Variants in CCDC50 observed in about 807,000 individuals in gnomAD.
CCDC50 encodes coiled-coil domain-containing protein 50.
CCDC50 carries 54 observed loss-of-function variants against 70.2 expected under a neutral mutation model. The observed-to-expected ratio is 0.77, with a 90% CI of 0.62 to 0.96. CCDC50 has a LOEUF of 0.96. Ranked by LOEUF, CCDC50 falls within the 50% of genes least tolerant of loss-of-function variation. The pLI, the probability that CCDC50 is intolerant of heterozygous loss-of-function variation, is 0.00. For synonymous variants in CCDC50, 216 were observed against 198.8 expected (o/e 1.09, Z -0.73); for missense variants, 558 against 578.7 (o/e 0.96, Z 0.37).
chr3:191,378,304 A>T (rs1408018382), intron 6 of CCDC50, among the ~76,000 whole-genome samples: 1 of 152,162 alleles, frequency 6.6e-6, no homozygotes, highest in Non-Finnish European at 1.5e-5. Flanking sequence ...AAACAATTAG[A>T]CTATTCAATG....
rs901202233 is a variant in CCDC50 at position 191,349,732 on chromosome 3, G to A, written c.50-7356G>A. On this transcript the variant is annotated intron_variant, in intron 1 of 11. Coordinates refer to ENST00000392455, the MANE Select transcript of CCDC50 (RefSeq NM_178335.3). ...GAAACCCTTAAATTTATACAATTAA[G>A]AAACTTTTTATTCCTGTTTTTTCAG... Among the ~76,000 whole-genome samples, 6 of 141,362 alleles carry A rather than the reference G, an allele frequency of 4.2e-5. 1 individual carries two copies. The highest frequency in any genetic ancestry group is 8.0e-5 in the Non-Finnish European group (5 of 62,704). 92.7% of individuals were successfully genotyped at this position (141,362 alleles called of 152,430 possible). A position where few individuals can be genotyped will look rare whatever the true frequency, so the allele number is the denominator to read the frequency against.
chr3:191,337,517 G>T (rs1211906338), intron 1 of CCDC50, among the ~76,000 whole-genome samples: 1 of 151,776 alleles, frequency 6.6e-6, no homozygotes, highest in Admixed American at 6.6e-5. Flanking sequence ...GCTAATTTTT[G>T]TATTTTTAGT....
chr3:191,368,760 T>C (rs754708704), intron 4 of CCDC50, among the ~76,000 whole-genome samples: 16 of 152,122 alleles, frequency 1.1e-4, no homozygotes, highest in Admixed American at 2.6e-4. Flanking sequence ...ATGATTGTTA[T>C]TACCATTTGT....
chr3:191,358,719 T>G (rs1431331616), intron 3 of CCDC50, among the ~76,000 whole-genome samples: 1 of 152,212 alleles, frequency 6.6e-6, no homozygotes, highest in Non-Finnish European at 1.5e-5. Flanking sequence ...CACAGTGACT[T>G]TTATTCTGTT....
chr3:191,336,279 A>G (rs1711521969), intron 1 of CCDC50, among the ~76,000 whole-genome samples: 1 of 152,088 alleles, frequency 6.6e-6, no homozygotes, highest in Admixed American at 6.5e-5. Context: ...TCCCACCAGC[A>G]ATGTATGTGA....
At position 191,358,254 on chromosome 3, in the gene CCDC50, C is replaced by T. The variant is rs181803448; in HGVS notation, c.239+130C>T. On this transcript the variant is annotated intron_variant, in intron 3 of 11. Coordinates refer to ENST00000392455, the MANE Select transcript of CCDC50 (RefSeq NM_178335.3). ...TCTACTGTTAGATTACAAATCTTACCCTGGATGTCTAACAGTTTTTTTGAT... is the reference window on the plus strand; with the variant it reads ...TCTACTGTTAGATTACAAATCTTACTCTGGATGTCTAACAGTTTTTTTGAT... 6.9e-4 allele frequency: 814 copies of T among 1,179,996 alleles called. 4 individuals are homozygous for T. In the African/African-American group the frequency reaches 0.011, roughly 16 times the overall value. 73.1% of individuals were successfully genotyped at this position (1,179,996 alleles called of 1,614,324 possible). A position where few individuals can be genotyped will look rare whatever the true frequency, so the allele number is the denominator to read the frequency against.
intron 10 of CCDC50, among the ~76,000 whole-genome samples, chr3:191,386,477 G>A (rs1023728768): frequency 2.0e-5 from 3 of 151,972 alleles, no homozygotes; most frequent in Non-Finnish European, 2.9e-5. Flanking sequence ...TGCCCGCCTC[G>A]GCCTCTCAAA....
At chr3:191,341,806 C>G (rs1306375273) in intron 1 of CCDC50, among the ~76,000 whole-genome samples, 1 of 152,204 alleles carries the variant, frequency 6.6e-6, no homozygotes, top group Admixed American at 6.5e-5. Context: ...ATGTGTAACT[C>G]CCTGTTACTT....
chr3:191,364,128 G>A (rs1443826137), intron 4 of CCDC50, among the ~76,000 whole-genome samples: 1 of 151,524 alleles, frequency 6.6e-6, no homozygotes, highest in Non-Finnish European at 1.5e-5. Flanking sequence ...GAGTATAGTG[G>A]CGCAATCTTC....
At position 191,380,679 on chromosome 3, in the gene CCDC50, TATC is replaced by T; in HGVS notation, c.1093-5_1093-3del. 1 of 1,611,810 alleles carries T rather than the reference TATC, an allele frequency of 6.2e-7. No homozygotes were observed. Among genetic ancestry groups the T allele is most frequent in the Non-Finnish European group, 8.5e-7 (1 of 1,178,600 alleles). ...AAATTCTTTGTTTTTGTATTTTCGA[TATC>T]ATAGGCTACCCAGGTGGACATGAGA... is the stretch of plus-strand genomic sequence containing the variant. On this transcript the variant is annotated splice_region_variant and splice_polypyrimidine_tract_variant and intron_variant, in intron 7 of 11. Transcript: ENST00000392455.
chr3:191,336,672 TA>T (rs1711527669), intron 1 of CCDC50, among the ~76,000 whole-genome samples: 1 of 152,222 alleles, frequency 6.6e-6, no homozygotes. Context: ...TGATATTAGC[TA>T]AATCTCTTAG....
chr3:191,374,353 G>A (rs1713014382), intron 5 of CCDC50, among the ~76,000 whole-genome samples: 1 of 152,034 alleles, frequency 6.6e-6, no homozygotes, highest in African/African-American at 2.4e-5. Context: ...ATTCCATCAA[G>A]GCAACCCTTT....
intron 3 of CCDC50, among the ~76,000 whole-genome samples, chr3:191,359,738 G>A (rs1185871266): frequency 2.6e-5 from 4 of 152,192 alleles, no homozygotes; most frequent in Admixed American, 2.6e-4. Context: ...AGTGTCACAG[G>A]TTAAGGTGAG....
chr3:191,394,643 T>C lies in CCDC50; in HGVS notation c.*2883T>C, dbSNP rs1420844087. On this transcript the variant is annotated 3_prime_UTR_variant, in exon 12 of 12. Transcript: ENST00000392455. ...GGCCAGGCCTCATTAACACCAGTAT[T>C]GTTGAATAAGCACAATATATGACGG... 6.6e-6 allele frequency: 1 copy of C among 152,146 alleles called. No homozygotes were observed. Among genetic ancestry groups the C allele is most frequent in the Non-Finnish European group, 1.5e-5 (1 of 67,994 alleles). The allele number at this position is 152,146 out of a possible 1,614,324, so 9.4% of individuals were successfully genotyped here.
intron 4 of CCDC50, among the ~76,000 whole-genome samples, chr3:191,364,226 G>A (rs974265097): frequency 1.3e-5 from 2 of 151,898 alleles, no homozygotes; most frequent in Non-Finnish European, 2.9e-5. Flanking sequence ...CTGGCACCAC[G>A]TCCGGCTCAT....
chr3:191,392,585 T>C lies in CCDC50; in HGVS notation c.*825T>C, dbSNP rs1713731480. 6.6e-6 allele frequency: 1 copy of C among 152,244 alleles called. No homozygotes were observed. Among genetic ancestry groups the C allele is most frequent in the African/African-American group, 2.4e-5 (1 of 41,468 alleles). The allele number at this position is 152,244 out of a possible 1,614,324, so 9.4% of individuals were successfully genotyped here. On this transcript the variant is annotated 3_prime_UTR_variant, in exon 12 of 12. Transcript: ENST00000392455. ...TAATGATGCCATCCTTCTCTCTGGC[T>C]GTAGACTGAGGCTTTTCTCTTGCTT...
chr3:191,371,274 G>A (rs1270670577), intron 5 of CCDC50, among the ~76,000 whole-genome samples: 1 of 152,058 alleles, frequency 6.6e-6, no homozygotes, highest in Non-Finnish European at 1.5e-5. Flanking sequence ...GTGATGGTGT[G>A]GTGGTGGCAG....
At position 191,375,464 on chromosome 3, in the gene CCDC50, G is replaced by A. The variant is rs755222525; in HGVS notation, c.851G>A (p.Gly284Glu). The A allele has an allele frequency of 6.2e-6, 10 of 1,613,580 alleles. No individual in the cohort carries two copies. In the African/African-American group the frequency reaches 1.2e-4, roughly 19 times the overall value. Residue 284 changes from glycine (G) to glutamate (E), a missense_variant, in exon 6 of 12, where the codon GGG (glycine) becomes GAG (glutamate). By Grantham distance (98) the Gly-to-Glu change is moderately conservative. Transcript: ENST00000392455. ...TCACCCAAGTCCTCACAAAAAGCAG[G>A]GCTTCACTGCAAGGAAGTTGTATAT... Reference protein sequence around the residue: ...RLSPKSSQKAGLHCKEVVYGR... With the variant: ...RLSPKSSQKAELHCKEVVYGR...
In CCDC50 at chr3:191,348,777, A is replaced by G. The variant is rs187487879; in HGVS notation, c.50-8311A>G. ...CAAAATTAGATGCCACTACCCTCCC[A>G]CTGTCATACTGTGTTTAGATTTTGT... On this transcript the variant is annotated intron_variant, in intron 1 of 11. Transcript: ENST00000392455. 2.0e-3 allele frequency among the ~76,000 whole-genome samples: 287 copies of G among 142,524 alleles called. 50 individuals are homozygous for G. Among genetic ancestry groups the G allele is most frequent in the Non-Finnish European group, 1.3e-3 (84 of 63,162 alleles). 93.5% of individuals were successfully genotyped at this position (142,524 alleles called of 152,430 possible).
Sources: allele counts gnomAD v4.1 joint callset (sites outside exome capture counted in the v4.1 genomes callset), GRCh38; gene constraint gnomAD v4.1.1; transcripts MANE v1.5; gene names NCBI Gene and HGNC (gene_info 2026-07-23, HGNC 2026-07-21).